Variants in MSL2 observed in about 807,000 individuals in gnomAD.
MSL2 encodes MSL complex subunit 2.
Under a neutral mutation model 35.8 loss-of-function variants are expected in MSL2, and 2 were observed. The observed-to-expected ratio is 0.06, with a 90% CI of 0.02 to 0.18. MSL2 has a LOEUF of 0.18. Among genes scored for constraint, MSL2 ranks in the 10% least tolerant of loss-of-function variants. The probability of loss-of-function intolerance (pLI) is 1.00; values close to 1 mark genes in which losing one functional copy is unlikely to be tolerated. For missense variants in MSL2, 523 were observed against 706.7 expected, an observed-to-expected ratio of 0.74 and a Z score of 2.95; for synonymous variants, 296 against 255.7, an observed-to-expected ratio of 1.16 and a Z score of -1.50.
chr3:136,159,355 T>TTA (rs1939631595), intron 1 of MSL2, among the ~76,000 whole-genome samples: 1 of 53,822 alleles, frequency 1.9e-5, no homozygotes, highest in Non-Finnish European at 4.2e-5. Context: ...GAGTACTTTC[T>TTA]TTTTTTTTTT....
At chr3:136,177,180 T>C (rs1046981955) in intron 1 of MSL2, among the ~76,000 whole-genome samples, 1 of 152,208 alleles carries the variant, frequency 6.6e-6, no homozygotes, top group Non-Finnish European at 1.5e-5. Flanking sequence ...TTTGAAGAAA[T>C]TAGCAGTTCT....
At chr3:136,190,536 T>C (rs886338787) in intron 1 of MSL2, among the ~76,000 whole-genome samples, 2 of 147,530 alleles carry the variant, frequency 1.4e-5, no homozygotes, top group Non-Finnish European at 3.0e-5. Context: ...CAAAACAAGA[T>C]TGTCTCAAAA....
chr3:136,177,852 G>A (rs1332295196), intron 1 of MSL2, among the ~76,000 whole-genome samples: 1 of 152,068 alleles, frequency 6.6e-6, no homozygotes, highest in Non-Finnish European at 1.5e-5. Context: ...TGGAGGTGAA[G>A]AAAAAGAACA....
chr3:136,152,004 T>C lies in MSL2; in HGVS notation c.877A>G (p.Asn293Asp). ...CCATTGGATACAGTGGCTTCCAAGT[T>C]CGGCTGCAAATTAGGGCAACAGACC... ...TEVCCPNLQP[N>D]LEATVSNGPF... The change falls in exon 2 of 2, where the codon AAC becomes GAC. Residue 293 changes from asparagine to aspartate, a missense_variant. Transcript: ENST00000309993. 1.9e-6 allele frequency: 3 copies of C among 1,614,200 alleles called. No individual in the cohort carries two copies. Among genetic ancestry groups the C allele is most frequent in the African/African-American group, 1.3e-5 (1 of 75,052 alleles).
chr3:136,187,387 G>A (rs576052451), intron 1 of MSL2, among the ~76,000 whole-genome samples: 1 of 152,096 alleles, frequency 6.6e-6, no homozygotes, highest in Admixed American at 6.6e-5. Context: ...ATTTGGCCAG[G>A]CGCAGTGGCT....
At chr3:136,158,984 A>G (rs1405866410) in intron 1 of MSL2, among the ~76,000 whole-genome samples, 1 of 152,234 alleles carries the variant, frequency 6.6e-6, no homozygotes, top group African/African-American at 2.4e-5. Context: ...ATGGATTAGA[A>G]GACTACCAAT....
rs1176493197 is a variant in MSL2, at chr3:136,195,538, G to C, written c.-425C>G. 3 of 1,003,102 alleles carry C rather than the reference G, an allele frequency of 3.0e-6. No individual in the cohort carries two copies. Among genetic ancestry groups the C allele is most frequent in the Admixed American group, 6.0e-5 (1 of 16,614 alleles). The allele number at this position is 1,003,102 out of a possible 1,614,324, so 62.1% of individuals were successfully genotyped here. ...AGGCGCGGGAGCAGGCCCCGGCCCC[G>C]TCTGAGGCGCGGCACGCTTCTCCCG... On this transcript the variant is annotated 5_prime_UTR_variant, in exon 1 of 2. Coordinates refer to ENST00000309993, the MANE Select transcript of MSL2 (RefSeq NM_018133.4).
intron 1 of MSL2, among the ~76,000 whole-genome samples, chr3:136,164,947 C>G (rs1337581695): frequency 3.3e-5 from 5 of 151,922 alleles, no homozygotes; most frequent in African/African-American, 9.7e-5. Context: ...GATCTTGGCT[C>G]ACCGCAACCT....
chr3:136,162,189 G>T (rs1939725836), intron 1 of MSL2, among the ~76,000 whole-genome samples: 1 of 150,936 alleles, frequency 6.6e-6, no homozygotes. Context: ...ACACACCTCA[G>T]CCTCCCAAAG....
intron 1 of MSL2, among the ~76,000 whole-genome samples, chr3:136,184,156 G>C (rs567241748): frequency 1.3e-5 from 2 of 151,990 alleles, no homozygotes; most frequent in African/African-American, 4.8e-5. Flanking sequence ...TTAGCCGGGC[G>C]TTGACGGTGG....
chr3:136,177,135 C>CA (rs1311145155), intron 1 of MSL2, among the ~76,000 whole-genome samples: 3 of 152,038 alleles, frequency 2.0e-5, no homozygotes, highest in South Asian at 2.1e-4. Flanking sequence ...ATACATGCCT[C>CA]AAAAAATCAC....
At chr3:136,193,835 T>A (rs1195500598) in intron 1 of MSL2, among the ~76,000 whole-genome samples, 2 of 152,170 alleles carry the variant, frequency 1.3e-5, no homozygotes, top group African/African-American at 4.8e-5. Context: ...CTCAGTTACT[T>A]AAATGTTTAT....
chr3:136,157,509 C>T (rs546160194), intron 1 of MSL2, among the ~76,000 whole-genome samples: 7 of 151,806 alleles, frequency 4.6e-5, no homozygotes, highest in South Asian at 2.1e-4. Context: ...CTCAAAAAAA[C>T]GAAAATAAAT....
At chr3:136,154,383 T>C (rs1167310156) in intron 1 of MSL2, among the ~76,000 whole-genome samples, 1 of 152,024 alleles carries the variant, frequency 6.6e-6, no homozygotes, top group African/African-American at 2.4e-5. Flanking sequence ...ATCAATGACA[T>C]ATACATACAA....
chr3:136,192,439 A>G (rs540480768), intron 1 of MSL2, among the ~76,000 whole-genome samples: 1 of 152,138 alleles, frequency 6.6e-6, no homozygotes, highest in Non-Finnish European at 1.5e-5. Flanking sequence ...TTGGCCTCCC[A>G]AAGTGCTGGG....
chr3:136,191,300 C>G (rs1037509019), intron 1 of MSL2, among the ~76,000 whole-genome samples: 12 of 151,944 alleles, frequency 7.9e-5, no homozygotes, highest in Admixed American at 6.6e-4. Flanking sequence ...AACCCCGTCT[C>G]TACAAAAAAT....
chr3:136,151,142 C>T lies in MSL2; in HGVS notation c.*5G>A. 1 of 1,604,484 alleles carries T rather than the reference C, an allele frequency of 6.2e-7. No individual in the cohort carries two copies. Among genetic ancestry groups the T allele is most frequent in the South Asian group, 1.1e-5 (1 of 90,882 alleles). On this transcript the variant is annotated 3_prime_UTR_variant, in exon 2 of 2. Coordinates refer to ENST00000309993, the MANE Select transcript of MSL2 (RefSeq NM_018133.4). This position sits in a 1 kb window ranked among gnomAD's most constrained non-coding sequence, Gnocchi z 5.2. ...ACCAGGAGTAGGTTTAAAAGACCCA[C>T]TGATTTAACAGTCGAATCTCATGTC...
chr3:136,195,339 TATGAG>T lies in MSL2; in HGVS notation c.-231_-227del. On this transcript the variant is annotated 5_prime_UTR_variant, in exon 1 of 2. Transcript: ENST00000309993. ...GTCCCTGAGACTTCCAGACCAAAAATATGAGAGAGAAACCAGCGTTCGAGTTCGTC... is the reference window on the plus strand; with the variant it reads ...GTCCCTGAGACTTCCAGACCAAAAATAGAGAAACCAGCGTTCGAGTTCGTC... The T allele has an allele frequency of 7.6e-7, 1 of 1,313,576 alleles. No homozygotes were observed. The highest frequency in any genetic ancestry group is 9.7e-7 in the Non-Finnish European group (1 of 1,033,374). 81.4% of individuals were successfully genotyped at this position (1,313,576 alleles called of 1,614,324 possible).
chr3:136,186,391 G>A, intron 1 of MSL2, among the ~76,000 whole-genome samples: 1 of 152,176 alleles, frequency 6.6e-6, no homozygotes, highest in Admixed American at 6.5e-5. Flanking sequence ...TTCTAATCAG[G>A]GGTCCCTAAG....
Sources: allele counts gnomAD v4.1 joint callset (sites outside exome capture counted in the v4.1 genomes callset), GRCh38; gene constraint gnomAD v4.1.1; non-coding constraint Gnocchi (gnomAD v3.1); transcripts MANE v1.5; gene names NCBI Gene and HGNC (gene_info 2026-07-23, HGNC 2026-07-21).